The following GABRR2 variants were observed in gnomAD, a reference collection of about 807,000 sequenced individuals.
GABRR2 encodes gamma-aminobutyric acid type A receptor subunit rho2.
In GABRR2, 36 loss-of-function variants were observed where a neutral mutation model predicts 47.0. The observed-to-expected ratio is 0.77, with a 90% CI of 0.59 to 1.01. The LOEUF (loss-of-function observed/expected upper bound fraction) is 1.01. Ranked by LOEUF, GABRR2 falls within the 50% of genes least tolerant of loss-of-function variation. The probability of loss-of-function intolerance (pLI) is 0.00; values close to 1 mark genes in which losing one functional copy is unlikely to be tolerated. For synonymous variants in GABRR2, 204 were observed against 227.5 expected (o/e 0.90, Z 0.93); for missense variants, 587 against 594.6 (o/e 0.99, Z 0.13).
intron 1 of GABRR2, chr6:89,301,979 G>A (rs1045830034): frequency 3.8e-6 from 3 of 785,028 alleles, no homozygotes; most frequent in Middle Eastern, 2.4e-4. Context: ...GCCATTCGTC[G>A]ACCTGGAGCC....
chr6:89,261,845 T>G (rs530608301), intron 8 of GABRR2, among the ~76,000 whole-genome samples: 2 of 152,152 alleles, frequency 1.3e-5, no homozygotes, highest in Middle Eastern at 6.8e-3. Flanking sequence ...TTGAAACCAG[T>G]CTTGGCAACA....
At chr6:89,280,234 A>ATC (rs1774234724) in intron 2 of GABRR2, among the ~76,000 whole-genome samples, 2 of 84,908 alleles carry the variant, frequency 2.4e-5, no homozygotes, top group Admixed American at 3.0e-4. Context: ...ATATATATAT[A>ATC]TATATATATA....
At chr6:89,283,951 T>C (rs767868206) in intron 2 of GABRR2, among the ~76,000 whole-genome samples, 1 of 152,172 alleles carries the variant, frequency 6.6e-6, no homozygotes, top group Non-Finnish European at 1.5e-5. Context: ...AGCACCATAA[T>C]TACAGCTCTT....
chr6:89,264,386 G>A (rs1385050559), intron 8 of GABRR2, 26 bp downstream of exon 8: 2 of 1,604,134 alleles, frequency 1.2e-6, no homozygotes, highest in African/African-American at 1.3e-5. Flanking sequence ...CATGGACTTA[G>A]ACAAGGGCCG....
chr6:89,291,355 G>A (rs1165278025), intron 2 of GABRR2, among the ~76,000 whole-genome samples: 1 of 152,082 alleles, frequency 6.6e-6, no homozygotes, highest in Non-Finnish European at 1.5e-5. Flanking sequence ...GCATCCTGTT[G>A]CTCCTTAGCT....
At chr6:89,278,137 T>C (rs976059730) in intron 2 of GABRR2, among the ~76,000 whole-genome samples, 5 of 152,222 alleles carry the variant, frequency 3.3e-5, no homozygotes, top group Non-Finnish European at 5.9e-5. Flanking sequence ...ACATAAGAGA[T>C]TTTCATCTTA....
chr6:89,265,776 C>G lies in GABRR2; in HGVS notation c.737-11G>C. On this transcript the variant is annotated splice_polypyrimidine_tract_variant and intron_variant, in intron 6 of 8. Transcript: ENST00000402938. The stretch of plus-strand genomic sequence containing the variant: ...GACGGTTGTACCAGCCTAGGGGATG[C>G]AGGAAGAAGCCAATGAGGTTCCATC... 6.2e-7 allele frequency: 1 copy of G among 1,612,602 alleles called. No homozygotes were observed. The highest frequency in any genetic ancestry group is 8.5e-7 in the Non-Finnish European group (1 of 1,179,232).
At chr6:89,300,029 C>T (rs1414987424) in intron 1 of GABRR2, among the ~76,000 whole-genome samples, 164 bp from the exon 2 acceptor site, 1 of 152,210 alleles carries the variant, frequency 6.6e-6, no homozygotes, top group Admixed American at 6.5e-5. Context: ...CACACACACG[C>T]CAGATCCTCA....
chr6:89,259,780 A>G (rs1222106811), intron 8 of GABRR2, among the ~76,000 whole-genome samples: 1 of 152,014 alleles, frequency 6.6e-6, no homozygotes, highest in Non-Finnish European at 1.5e-5. Flanking sequence ...CTGGGATTAC[A>G]GGCATTAGCC....
intron 2 of GABRR2, among the ~76,000 whole-genome samples, chr6:89,291,394 A>G (rs564487104): frequency 6.6e-6 from 1 of 152,188 alleles, no homozygotes; most frequent in Admixed American, 6.5e-5. Context: ...GTCTGAACTC[A>G]GCAAAGCCCT....
At chr6:89,275,079 A>T (rs1774134672) in intron 2 of GABRR2, among the ~76,000 whole-genome samples, 1 of 152,014 alleles carries the variant, frequency 6.6e-6, no homozygotes, top group South Asian at 2.1e-4. Context: ...TGGAAAGCAC[A>T]CTTTAGGGAT....
intron 2 of GABRR2, among the ~76,000 whole-genome samples, chr6:89,297,257 A>G (rs938144819): frequency 3.3e-5 from 5 of 152,168 alleles, no homozygotes; most frequent in African/African-American, 1.2e-4. Context: ...TGTTTTTCTT[A>G]TTTTAAGATA....
In GABRR2 at chr6:89,268,966, C is replaced by T. The variant is rs542856438; in HGVS notation, c.512+45G>A. On this transcript the variant is annotated intron_variant, in intron 4 of 8. Transcript: ENST00000402938. ...GGGCCAAAGGGCCTGACCACACATA[C>T]CAGAAAGGCACTGGACAGAGGAACA... is the stretch of plus-strand genomic sequence containing the variant. 6.4e-6 allele frequency: 10 copies of T among 1,562,822 alleles called. No individual in the cohort carries two copies. The South Asian group carries it at 1.0e-4, about 16-fold the overall frequency.
chr6:89,261,973 A>AGT (rs1319446418), intron 8 of GABRR2, among the ~76,000 whole-genome samples: 9 of 151,178 alleles, frequency 6.0e-5, no homozygotes, highest in Non-Finnish European at 1.5e-5. Flanking sequence ...CAGGAGATGG[A>AGT]GTGCAGTTAG....
chr6:89,296,177 G>A (rs1193673666), intron 2 of GABRR2, among the ~76,000 whole-genome samples: 1 of 152,242 alleles, frequency 6.6e-6, no homozygotes, highest in Non-Finnish European at 1.5e-5. Context: ...GAGTGAAATG[G>A]GGACACCCAG....
chr6:89,299,649 G>A, intron 2 of GABRR2, 110 bp downstream of exon 2: 1 of 699,868 alleles, frequency 1.4e-6, no homozygotes, highest in Non-Finnish European at 2.5e-6. Context: ...TATGTGAGTG[G>A]GAAAATTGCA....
Position 89,271,644 on chromosome 6 carries a change from C to A in GABRR2, c.288+11G>T. ...GGCTCTCACGCTGTGTCACTGGAGG[C>A]CGCTGCATACCATGTCCACCTCGGA... On this transcript the variant is annotated intron_variant, in intron 3 of 8. Coordinates refer to ENST00000402938, the MANE Select transcript of GABRR2 (RefSeq NM_002043.5). 6.2e-7 allele frequency: 1 copy of A among 1,607,400 alleles called. No individual in the cohort carries two copies. The highest frequency in any genetic ancestry group is 8.5e-7 in the Non-Finnish European group (1 of 1,176,634).
In GABRR2 at chr6:89,297,534, C is replaced by T. The variant is rs114981390; in HGVS notation, c.220+2225G>A. Among the ~76,000 whole-genome samples, 1,366 of 152,000 alleles carry T rather than the reference C, an allele frequency of 9.0e-3. 17 individuals are homozygous for T. The highest frequency in any genetic ancestry group is 0.031 in the African/African-American group (1,268 of 41,394). On this transcript the variant is annotated intron_variant, in intron 2 of 8. Coordinates refer to ENST00000402938, the MANE Select transcript of GABRR2 (RefSeq NM_002043.5). Reference sequence around the variant, plus strand: ...TATATGTACCTTGATTAGAATGGTGCCTGGCATAAAAAAAAATCCCTATGA... The same window carrying T: ...TATATGTACCTTGATTAGAATGGTGTCTGGCATAAAAAAAAATCCCTATGA...
At chr6:89,303,122 T>G in intron 1 of GABRR2, 1 of 562,136 alleles carries the variant, frequency 1.8e-6, no homozygotes, top group Non-Finnish European at 3.2e-6. Context: ...TGAAGCTGCT[T>G]GCAGCTGGAG....
Sources: gnomAD v4.1 joint callset for allele counts (sites outside exome capture counted in the v4.1 genomes callset) on GRCh38, gnomAD v4.1.1 for gene constraint, MANE v1.5 for transcripts, NCBI Gene and HGNC (gene_info 2026-07-23, HGNC 2026-07-21) for gene names.